SHISA9: variants seen among roughly 807,000 people sequenced by gnomAD.
SHISA9 encodes the protein shisa family member 9.
Under a neutral mutation model 38.0 loss-of-function variants are expected in SHISA9, and 13 were observed. That is an observed-to-expected ratio of 0.34 (90% CI 0.22 to 0.54). SHISA9 has a LOEUF of 0.54. Among genes scored for constraint, SHISA9 ranks in the 20% least tolerant of loss-of-function variants. The pLI, the probability that SHISA9 is intolerant of heterozygous loss-of-function variation, is 0.91. For synonymous variants in SHISA9, 275 were observed against 242.0 expected (o/e 1.14, Z -1.27); for missense variants, 538 against 575.8 (o/e 0.93, Z 0.67).
intron 2 of SHISA9, among the ~76,000 whole-genome samples, chr16:13,150,804 C>A (rs537848024): frequency 6.6e-6 from 1 of 152,174 alleles, no homozygotes; most frequent in African/African-American, 2.4e-5. Context: ...TGGGATTCAA[C>A]CATGACCATG....
At chr16:12,914,779 A>G (rs1281235676) in intron 1 of SHISA9, among the ~76,000 whole-genome samples, 1 of 152,082 alleles carries the variant, frequency 6.6e-6, no homozygotes, top group Non-Finnish European at 1.5e-5. Context: ...CTCAAATTTG[A>G]ATGTGTAGCA....
At chr16:13,082,294 A>G (rs1469457712) in intron 2 of SHISA9, 4 of 152,218 alleles carry the variant, frequency 2.6e-5, no homozygotes, top group Non-Finnish European at 5.9e-5. Flanking sequence ...GACTAAAGCA[A>G]CAGGAAAATC....
chr16:13,273,091 C>A, the SHISA9 span, among the ~76,000 whole-genome samples: 1 of 152,144 alleles, frequency 6.6e-6, no homozygotes, highest in Non-Finnish European at 1.5e-5. Flanking sequence ...CACCCCATTC[C>A]ACTGGCTTCA....
chr16:12,993,282 G>A (rs1192374248), intron 2 of SHISA9, among the ~76,000 whole-genome samples: 1 of 152,130 alleles, frequency 6.6e-6, no homozygotes, highest in African/African-American at 2.4e-5. Flanking sequence ...GACAAGTTTT[G>A]TTTCAGATCC....
In SHISA9 at chr16:13,235,615, C is replaced by G. The variant is rs752460181; in HGVS notation, c.*206C>G. 34 of 616,120 alleles carry G rather than the reference C, an allele frequency of 5.5e-5. No homozygotes were observed. Among genetic ancestry groups the G allele is most frequent in the Non-Finnish European group, 7.3e-5 (27 of 368,556 alleles). The allele number at this position is 616,120 out of a possible 1,614,324, so 38.2% of individuals were successfully genotyped here. ...GTGTCGGCGGGCAGCTGAGAAAGAC[C>G]GAAGCGTGGACATTCAGCAATACAG... On this transcript the variant is annotated 3_prime_UTR_variant, in exon 5 of 5. Transcript: ENST00000558583.
rs187622892 is a variant in SHISA9 at position 13,200,386 on chromosome 16, A to G, written c.692-3008A>G. On this transcript the variant is annotated intron_variant, in intron 2 of 4. Transcript: ENST00000558583. ...AGGACTTTGCACAAAAACAGTAGCT[A>G]TCCACCAAAAAATATATCATGAAAC... is the stretch of plus-strand genomic sequence containing the variant. Among the ~76,000 whole-genome samples the G allele has an allele frequency of 5.6e-4, 84 of 149,750 alleles. 1 individual carries two copies. The highest frequency in any genetic ancestry group is 2.0e-3 in the African/African-American group (79 of 40,096).
intron 2 of SHISA9, among the ~76,000 whole-genome samples, chr16:12,976,339 C>A (rs2072161101): frequency 6.6e-6 from 1 of 152,116 alleles, no homozygotes; most frequent in Admixed American, 6.5e-5. Context: ...GATCTGCCTG[C>A]CTCAGCCTCC....
At chr16:13,240,883 C>G (rs578061632), downstream of SHISA9, among the ~76,000 whole-genome samples, 5 of 150,134 alleles carry the variant, frequency 3.3e-5, no homozygotes, top group South Asian at 6.3e-4. Context: ...ACCTGTCTGA[C>G]TATGGTTCCT....
chr16:13,197,543 G>A (rs1157738010), intron 2 of SHISA9: 1 of 135,232 alleles, frequency 7.4e-6, no homozygotes, highest in Non-Finnish European at 1.6e-5. Context: ...CTTCCAATGA[G>A]TAATTGTATC....
chr16:13,212,857 C>G (rs1311713872), intron 3 of SHISA9, among the ~76,000 whole-genome samples: 1 of 152,226 alleles, frequency 6.6e-6, no homozygotes, highest in Non-Finnish European at 1.5e-5. Flanking sequence ...CAAAGTCTAT[C>G]TCTTGTCATC....
At chr16:13,220,115 G>A (rs1462146134) in intron 4 of SHISA9, among the ~76,000 whole-genome samples, 2 of 152,222 alleles carry the variant, frequency 1.3e-5, no homozygotes, top group Non-Finnish European at 2.9e-5. Context: ...TGCTTAAAAT[G>A]TATTTAGACC....
intron 2 of SHISA9, among the ~76,000 whole-genome samples, chr16:13,091,003 A>G (rs1309423235): frequency 2.6e-5 from 4 of 152,180 alleles, no homozygotes; most frequent in Admixed American, 6.5e-5. Context: ...GGTGGTGACA[A>G]AATCTCTGAG....
At chr16:13,011,473 T>C (rs559485070) in intron 2 of SHISA9, among the ~76,000 whole-genome samples, 1 of 152,244 alleles carries the variant, frequency 6.6e-6, no homozygotes, top group South Asian at 2.1e-4. Context: ...TACCCACATC[T>C]CCTCATTTCC....
chr16:13,449,417 G>A, the SHISA9 span, among the ~76,000 whole-genome samples: 12 of 152,112 alleles, frequency 7.9e-5, no homozygotes, highest in South Asian at 2.1e-4. Flanking sequence ...AATATTTGGG[G>A]ATAAAAGTCA....
chr16:13,350,809 G>T, the SHISA9 span, among the ~76,000 whole-genome samples: 1 of 152,136 alleles, frequency 6.6e-6, no homozygotes, highest in Non-Finnish European at 1.5e-5. Context: ...TTGTTGAATG[G>T]CTGGCTTTAA....
the SHISA9 span, among the ~76,000 whole-genome samples, chr16:13,498,849 C>T: frequency 2.6e-5 from 4 of 152,210 alleles, no homozygotes; most frequent in Admixed American, 6.5e-5. Flanking sequence ...CAGGGTATTA[C>T]TCCTTGGTTG....
At chr16:13,188,090 T>C (rs969102755) in intron 2 of SHISA9, among the ~76,000 whole-genome samples, 11 of 152,194 alleles carry the variant, frequency 7.2e-5, no homozygotes, top group Admixed American at 1.3e-4. Context: ...TTATATTGCT[T>C]TCCTTTTGTG....
intron 2 of SHISA9, among the ~76,000 whole-genome samples, chr16:12,945,861 A>C (rs2071682393): frequency 6.6e-6 from 1 of 151,992 alleles, no homozygotes; most frequent in African/African-American, 2.4e-5. Context: ...GAGCAACGAG[A>C]TGAGCACTTT....
the SHISA9 span, among the ~76,000 whole-genome samples, chr16:13,338,320 T>C: frequency 1.3e-5 from 2 of 152,208 alleles, no homozygotes; most frequent in Non-Finnish European, 2.9e-5. Flanking sequence ...GTTAGAGTTA[T>C]GGCTCTTTTA....
Sources: allele counts gnomAD v4.1 joint callset (sites outside exome capture counted in the v4.1 genomes callset), GRCh38; gene constraint gnomAD v4.1.1; transcripts MANE v1.5; gene names NCBI Gene and HGNC (gene_info 2026-07-23, HGNC 2026-07-21).